The following KALRN variants were observed in gnomAD, a reference collection of about 807,000 sequenced individuals.
The protein encoded by KALRN is kalirin RhoGEF kinase.
KALRN carries 70 observed loss-of-function variants against 353.7 expected under a neutral mutation model. That is an observed-to-expected ratio of 0.20 (90% CI 0.16 to 0.24). The LOEUF is 0.24. Among genes scored for constraint, KALRN ranks in the 10% least tolerant of loss-of-function variants. The probability of loss-of-function intolerance (pLI) is 1.00; values close to 1 mark genes in which losing one functional copy is unlikely to be tolerated. For missense variants in KALRN, 2,791 were observed against 3,756.7 expected (o/e 0.74, Z 6.72); for synonymous variants, 1,391 against 1,434.8 (o/e 0.97, Z 0.69).
At chr3:124,553,632 G>A (rs980462069) in intron 33 of KALRN, among the ~76,000 whole-genome samples, 7 of 152,176 alleles carry the variant, frequency 4.6e-5, no homozygotes, top group Non-Finnish European at 7.3e-5. Flanking sequence ...TCTTCTATAG[G>A]TAGCCTTGGG....
Position 124,491,312 on chromosome 3 carries a change from C to T in KALRN, c.4588-11C>T. On this transcript the variant is annotated splice_polypyrimidine_tract_variant and intron_variant, in intron 30 of 59. Coordinates refer to ENST00000682506, the MANE Select transcript of KALRN (RefSeq NM_001388419.1). ...CCTTCCCCGCCTCTCATAGGCATTT[C>T]CTGTCTACAGACCTCAGAGCTGGGT... 1 of 1,555,374 alleles carries T rather than the reference C, an allele frequency of 6.4e-7. No homozygotes were observed. Among genetic ancestry groups the T allele is most frequent in the Non-Finnish European group, 8.7e-7 (1 of 1,148,422 alleles).
rs1491329331 is a variant in KALRN, at chr3:124,439,188, T to TCACACACACACACACACACACA, written c.3198+152_3198+153insACACACACACACACACACACAC. 31 of 363,310 alleles carry TCACACACACACACACACACACA rather than the reference T, an allele frequency of 8.5e-5. No individual in the cohort carries two copies. In the East Asian group the frequency reaches 9.4e-4, roughly 11 times the overall value. The allele number at this position is 363,310 out of a possible 1,614,324, so 22.5% of individuals were successfully genotyped here. ...TTCTCCTCCTCCTCCTTCTTCTCCT[T>TCACACACACACACACACACACA]CTCTCTCTCTCTCACACACACACAC... On this transcript the variant is annotated intron_variant, in intron 18 of 59. Coordinates refer to ENST00000682506, the MANE Select transcript of KALRN (RefSeq NM_001388419.1).
At position 124,455,017 on chromosome 3, in the gene KALRN, T is replaced by G. The variant is rs550860677; in HGVS notation, c.3553-160T>G. On this transcript the variant is annotated intron_variant, in intron 21 of 59. Coordinates refer to ENST00000682506, the MANE Select transcript of KALRN (RefSeq NM_001388419.1). The stretch of plus-strand genomic sequence containing the variant: ...GGAGGCACAGAGGGTTTCAATAACT[T>G]GCTCGAGATCTCCCAGTTAGTAGTA... 4.5e-6 allele frequency: 3 copies of G among 661,342 alleles called. No homozygotes were observed. The East Asian group carries it at 8.1e-5, about 18-fold the overall frequency. The allele number at this position is 661,342 out of a possible 1,614,324, so 41.0% of individuals were successfully genotyped here.
intron 51 of KALRN, among the ~76,000 whole-genome samples, chr3:124,684,649 G>A (rs1004269447): frequency 7.9e-5 from 12 of 152,212 alleles, no homozygotes; most frequent in Non-Finnish European, 1.5e-4. Context: ...GCACGTCTAA[G>A]GTGTGCTAAC....
At chr3:124,388,975 A>C (rs2088895428) in intron 11 of KALRN, among the ~76,000 whole-genome samples, 2 of 152,156 alleles carry the variant, frequency 1.3e-5, no homozygotes, top group African/African-American at 4.8e-5. Flanking sequence ...CAGGATTAGT[A>C]GTCTGTTAGG....
intron 57 of KALRN, among the ~76,000 whole-genome samples, chr3:124,712,320 G>A (rs2150782425): frequency 6.6e-6 from 1 of 152,246 alleles, no homozygotes; most frequent in Non-Finnish European, 1.5e-5. Context: ...TGGTATGTAT[G>A]AGAAGGAGAA....
chr3:124,246,721 A>G (rs1306567608), intron 3 of KALRN, among the ~76,000 whole-genome samples: 1 of 152,230 alleles, frequency 6.6e-6, no homozygotes, highest in Non-Finnish European at 1.5e-5. Flanking sequence ...CAGGCTGATT[A>G]GGAAGCTGAA....
intron 34 of KALRN, among the ~76,000 whole-genome samples, chr3:124,621,877 G>A (rs1288954101): frequency 6.6e-6 from 1 of 152,198 alleles, no homozygotes. Context: ...CTTACTGCAG[G>A]CCTTATGCTG....
chr3:124,512,272 A>C (rs16835538), intron 33 of KALRN, among the ~76,000 whole-genome samples: 3,189 of 152,332 alleles, frequency 0.021, 112 homozygotes, highest in African/African-American at 0.072. Flanking sequence ...GGCGCAATAC[A>C]GGGCTTACCT....
At chr3:124,607,676 G>A (rs1328432669) in intron 34 of KALRN, among the ~76,000 whole-genome samples, 3 of 150,082 alleles carry the variant, frequency 2.0e-5, no homozygotes, top group African/African-American at 7.4e-5. Flanking sequence ...GAGTGCAGTG[G>A]CACAATCTCG....
chr3:124,199,878 G>T (rs1176548288), intron 1 of KALRN, among the ~76,000 whole-genome samples: 2 of 152,206 alleles, frequency 1.3e-5, no homozygotes, highest in African/African-American at 4.8e-5. Context: ...ATTGGATTTG[G>T]TTTTTTAGTA....
chr3:124,248,621 T>G (rs1012423198), intron 3 of KALRN, among the ~76,000 whole-genome samples: 3 of 152,250 alleles, frequency 2.0e-5, no homozygotes, highest in African/African-American at 7.2e-5. Flanking sequence ...TCGGATAATT[T>G]ACTGACGTAA....
intron 18 of KALRN, among the ~76,000 whole-genome samples, 153 bp downstream of exon 18, chr3:124,439,190 TCTCTCTCTCTCACA>T (rs760331077): frequency 1.7e-5 from 1 of 58,064 alleles, no homozygotes; most frequent in African/African-American, 7.2e-5. Flanking sequence ...CTTCTCCTTC[TCTCTCTCTCTCACA>T]CACACACACA....
At chr3:124,205,466 T>C (rs1005853769) in intron 1 of KALRN, among the ~76,000 whole-genome samples, 2 of 152,176 alleles carry the variant, frequency 1.3e-5, no homozygotes, top group African/African-American at 4.8e-5. Context: ...AGTTTTCACA[T>C]CTATGAAATG....
At chr3:124,157,620 T>C (rs918975160) in intron 1 of KALRN, among the ~76,000 whole-genome samples, 1 of 152,164 alleles carries the variant, frequency 6.6e-6, no homozygotes, top group African/African-American at 2.4e-5. Flanking sequence ...TTAGTACAAA[T>C]AGATCATTTG....
intron 1 of KALRN, chr3:124,163,468 T>C (rs747612494): frequency 3.7e-6 from 1 of 271,080 alleles, no homozygotes; most frequent in Non-Finnish European, 5.7e-6. Flanking sequence ...CAAATCACGT[T>C]GCAAGTAATG....
At chr3:124,676,500 G>A (rs1446685028) in intron 49 of KALRN, among the ~76,000 whole-genome samples, 1 of 152,168 alleles carries the variant, frequency 6.6e-6, no homozygotes, top group African/African-American at 2.4e-5. Flanking sequence ...CCCAAACCAT[G>A]ATGACGAGTT....
chr3:124,075,505 C>T (rs1275754954), intron 1 of KALRN, among the ~76,000 whole-genome samples: 1 of 152,174 alleles, frequency 6.6e-6, no homozygotes, highest in African/African-American at 2.4e-5. Context: ...GCATTGGCAT[C>T]TCTCAGGTTT....
chr3:124,331,910 G>A (rs2080606136), intron 8 of KALRN, among the ~76,000 whole-genome samples: 1 of 152,158 alleles, frequency 6.6e-6, no homozygotes, highest in African/African-American at 2.4e-5. Flanking sequence ...GAGCTCATGT[G>A]GGGTGGATTT....
Sources: allele counts gnomAD v4.1 joint callset (sites outside exome capture counted in the v4.1 genomes callset), GRCh38; gene constraint gnomAD v4.1.1; transcripts MANE v1.5; gene names NCBI Gene and HGNC (gene_info 2026-07-23, HGNC 2026-07-21).